The following SLC48A1 variants were observed in gnomAD, a reference collection of about 807,000 sequenced individuals.
The protein encoded by SLC48A1 is heme transporter HRG1.
Under a neutral mutation model 14.8 loss-of-function variants are expected in SLC48A1, and 6 were observed. The observed-to-expected ratio is 0.41, with a 90% CI of 0.22 to 0.80. The LOEUF (loss-of-function observed/expected upper bound fraction) is 0.80. Ranked by LOEUF, SLC48A1 falls within the 30% of genes least tolerant of loss-of-function variation. The probability of loss-of-function intolerance (pLI) is 0.34; values close to 1 mark genes in which losing one functional copy is unlikely to be tolerated. For missense variants in SLC48A1, 165 were observed against 204.8 expected, an observed-to-expected ratio of 0.81 and a Z score of 1.19; for synonymous variants, 89 against 90.0, an observed-to-expected ratio of 0.99 and a Z score of 0.06.
At chr12:47,759,227 G>A (rs1360052249) in intron 1 of SLC48A1, 1 of 475,746 alleles carries the variant, frequency 2.1e-6, no homozygotes, top group Non-Finnish European at 2.7e-6. Flanking sequence ...GGGAGGGGGT[G>A]AGTCACTGCG....
rs966458890 is a variant in SLC48A1 at position 47,764,946 on chromosome 12, G to A, written c.-187+4545G>A. Among the ~76,000 whole-genome samples, 45 of 151,898 alleles carry A rather than the reference G, an allele frequency of 3.0e-4. 1 individual carries two copies. The highest frequency in any genetic ancestry group is 9.4e-4 in the African/African-American group (39 of 41,366). On this transcript the variant is annotated intron_variant, in intron 2 of 4. Coordinates refer to the SLC48A1 transcript ENST00000547002. ...ACAAAAATTAGCTGGGCATGGTGGT[G>A]TGTGCCTATAGTCCAAGCTACTCGG...
chr12:47,775,264 G>A (rs1942721774), intron 1 of SLC48A1, among the ~76,000 whole-genome samples: 2 of 152,278 alleles, frequency 1.3e-5, no homozygotes, highest in Admixed American at 6.5e-5. Flanking sequence ...AGTTGCCTGG[G>A]GTTTTCTTCC....
In SLC48A1 at chr12:47,782,338, G is replaced by A. The variant is rs1334526745; in HGVS notation, c.*2057G>A. On this transcript the variant is annotated 3_prime_UTR_variant, in exon 3 of 3. Coordinates refer to ENST00000442218, the MANE Select transcript of SLC48A1 (RefSeq NM_017842.3). ...CCAGAAGACGATTTGACTTACCTGA[G>A]CTCCCAGCTGGGACTTAAACCCAGG... The A allele has an allele frequency of 6.6e-6, 1 of 152,246 alleles. No homozygotes were observed. The allele number at this position is 152,246 out of a possible 1,614,324, so 9.4% of individuals were successfully genotyped here. A position where few individuals can be genotyped will look rare whatever the true frequency, so the allele number is the denominator to read the frequency against.
At chr12:47,773,229 C>G, upstream of SLC48A1, 1 of 1,128,340 alleles carries the variant, frequency 8.9e-7, no homozygotes, top group Non-Finnish European at 1.1e-6. Context: ...TCCCGCGGCT[C>G]CGGCTGGCGG....
At chr12:47,779,002 T>C in intron 1 of SLC48A1, 26 bp from the exon 2 acceptor site, 2 of 1,546,364 alleles carry the variant, frequency 1.3e-6, no homozygotes, top group Non-Finnish European at 8.7e-7. Context: ...ACCCTGGGGA[T>C]GGGCCCTGAT....
intron 2 of SLC48A1, among the ~76,000 whole-genome samples, chr12:47,765,980 T>C (rs1942507859): frequency 6.6e-6 from 1 of 152,166 alleles, no homozygotes; most frequent in Non-Finnish European, 1.5e-5. Context: ...TCTTGACCAA[T>C]TGCCATTCCT....
chr12:47,763,459 A>G lies in SLC48A1; in HGVS notation c.-187+3058A>G, dbSNP rs1942434609. On this transcript the variant is annotated intron_variant, in intron 2 of 4. Coordinates refer to the SLC48A1 transcript ENST00000547002. ...TGGCTGAGCCTCCCACAATACCCCTAGGAGTCGACCTTGCCTGTGGTTGGT... is the reference window on the plus strand; with the variant it reads ...TGGCTGAGCCTCCCACAATACCCCTGGGAGTCGACCTTGCCTGTGGTTGGT... 2.0e-5 allele frequency among the ~76,000 whole-genome samples: 3 copies of G among 152,304 alleles called. No individual in the cohort carries two copies. The South Asian group carries it at 6.2e-4, about 32-fold the overall frequency.
chr12:47,765,677 G>A (rs750478254), intron 2 of SLC48A1, among the ~76,000 whole-genome samples: 7 of 152,212 alleles, frequency 4.6e-5, no homozygotes, highest in Admixed American at 1.3e-4. Context: ...CCCCTGCAGG[G>A]CATCATTTCT....
upstream of SLC48A1, among the ~76,000 whole-genome samples, chr12:47,771,295 A>T (rs1942625524): frequency 6.6e-6 from 1 of 151,956 alleles, no homozygotes; most frequent in Non-Finnish European, 1.5e-5. Flanking sequence ...ATTCACTCAC[A>T]CTCACCTATT....
chr12:47,774,733 G>A lies in SLC48A1; in HGVS notation c.136+1293G>A, dbSNP rs527399459. ...ACAAAGCACTGGGTCACCAAGAAGG[G>A]GGGATGGGCACCCTGGCTAGGGTGT... On this transcript the variant is annotated intron_variant, in intron 1 of 2. Coordinates refer to ENST00000442218, the MANE Select transcript of SLC48A1 (RefSeq NM_017842.3). 2.0e-4 allele frequency among the ~76,000 whole-genome samples: 31 copies of A among 152,186 alleles called. No individual in the cohort carries two copies. In the South Asian group the frequency reaches 6.0e-3, roughly 30 times the overall value.
chr12:47,775,864 C>T (rs1942741965), intron 1 of SLC48A1, among the ~76,000 whole-genome samples: 1 of 152,176 alleles, frequency 6.6e-6, no homozygotes, highest in Non-Finnish European at 1.5e-5. Context: ...TGGAGAAAGG[C>T]AGTGGCAGAA....
intron 1 of SLC48A1, among the ~76,000 whole-genome samples, chr12:47,759,507 T>C (rs942274236): frequency 3.2e-5 from 2 of 62,474 alleles, no homozygotes; most frequent in East Asian, 6.8e-4. Context: ...TAAGAGGAGA[T>C]TGGGGTTGTG....
At chr12:47,760,357 C>T (rs955037156) in exon 2 of SLC48A1, 1 of 985,460 alleles carries the variant, frequency 1.0e-6, no homozygotes, top group Non-Finnish European at 1.2e-6. Flanking sequence ...GAAGGAAGAG[C>T]AACCTGGAAA....
Position 47,773,416 on chromosome 12 carries a change from A to T in SLC48A1, c.112A>T (p.Thr38Ser). The change falls in exon 1 of 3, where the codon ACC (threonine) becomes TCC (serine). Residue 38 changes from threonine (T) to serine (S), a missense_variant. By Grantham distance (58) the Thr-to-Ser change is moderately conservative. Coordinates refer to ENST00000442218, the MANE Select transcript of SLC48A1 (RefSeq NM_017842.3). ...GACGGTGGTCTACCGACAGCCGGGGACCGCGGCCATGGGAGGGCTCGCAGG... is the reference window on the plus strand; with the variant it reads ...GACGGTGGTCTACCGACAGCCGGGGTCCGCGGCCATGGGAGGGCTCGCAGG... ...VWTVVYRQPG[T>S]AAMGGLAGVL... The T allele has an allele frequency of 6.9e-7, 1 of 1,440,378 alleles. No individual in the cohort carries two copies. The highest frequency in any genetic ancestry group is 1.4e-5 in the South Asian group (1 of 72,414). The allele number at this position is 1,440,378 out of a possible 1,614,324, so 89.2% of individuals were successfully genotyped here. A position where few individuals can be genotyped will look rare whatever the true frequency, so the allele number is the denominator to read the frequency against.
chr12:47,759,177 G>T, intron 1 of SLC48A1: 3 of 876,542 alleles, frequency 3.4e-6, no homozygotes, highest in Non-Finnish European at 4.1e-6. Context: ...CCGCCACGTG[G>T]CCGGGAGGAG....
In SLC48A1 at chr12:47,779,055, C is replaced by T. The variant is rs773529879; in HGVS notation, c.164C>T (p.Thr55Met). ...GTGCTGGCACTGTGGGTCCTGGTGA[C>T]GCACGTGATGTACATGCAAGATTAT... ...AGVLALWVLV[T>M]HVMYMQDYWR... Residue 55 changes from threonine (T) to methionine (M), a missense_variant, in exon 2 of 3, where the codon ACG (threonine) becomes ATG (methionine). Coordinates refer to ENST00000442218, the MANE Select transcript of SLC48A1 (RefSeq NM_017842.3). The T allele has an allele frequency of 4.6e-5, 72 of 1,551,600 alleles. No homozygotes were observed. The highest frequency in any genetic ancestry group is 2.0e-4 in the East Asian group (8 of 40,934).
chr12:47,780,413 G>A lies in SLC48A1; in HGVS notation c.*132G>A, dbSNP rs1412992979. ...GCAGAAAATACACAGCAGGACGAGT[G>A]TGGTCTCCCAGGAAGCTGTCCTGCC... On this transcript the variant is annotated 3_prime_UTR_variant, in exon 3 of 3. Coordinates refer to ENST00000442218, the MANE Select transcript of SLC48A1 (RefSeq NM_017842.3). 1.4e-6 allele frequency: 2 copies of A among 1,409,228 alleles called. No individual in the cohort carries two copies. Among genetic ancestry groups the A allele is most frequent in the Non-Finnish European group, 1.0e-6 (1 of 993,874 alleles). The allele number at this position is 1,409,228 out of a possible 1,614,324, so 87.3% of individuals were successfully genotyped here. A position where few individuals can be genotyped will look rare whatever the true frequency, so the allele number is the denominator to read the frequency against.
chr12:47,774,905 T>G (rs549416420), intron 1 of SLC48A1, among the ~76,000 whole-genome samples: 1 of 152,322 alleles, frequency 6.6e-6, no homozygotes, highest in South Asian at 2.1e-4. Flanking sequence ...CCCTGCCACT[T>G]TTTTGTTTCC....
At position 47,773,400 on chromosome 12, in the gene SLC48A1, C is replaced by A; in HGVS notation, c.96C>A (p.Val32=). ...GFSIFLVWTV[V]YRQPGTAAMG... ...CCATCTTCCTCGTCTGGACGGTGGT[C>A]TACCGACAGCCGGGGACCGCGGCCA... Residue 32 remains valine (V), a synonymous_variant, in exon 1 of 3, where the codon GTC becomes GTA. Transcript: ENST00000442218. 6.8e-7 allele frequency: 1 copy of A among 1,461,698 alleles called. No individual in the cohort carries two copies. The highest frequency in any genetic ancestry group is 1.3e-5 in the South Asian group (1 of 75,424). The allele number at this position is 1,461,698 out of a possible 1,614,324, so 90.5% of individuals were successfully genotyped here. A position where few individuals can be genotyped will look rare whatever the true frequency, so the allele number is the denominator to read the frequency against.
Sources: allele counts gnomAD v4.1 joint callset (sites outside exome capture counted in the v4.1 genomes callset), GRCh38; gene constraint gnomAD v4.1.1; transcripts MANE v1.5; gene names NCBI Gene and HGNC (gene_info 2026-07-23, HGNC 2026-07-21).